Variants in GNAL observed in about 807,000 individuals in gnomAD.
The protein encoded by GNAL is guanine nucleotide-binding protein G(olf) subunit alpha.
Under a neutral mutation model 55.1 loss-of-function variants are expected in GNAL, and 18 were observed. The ratio of observed to expected loss-of-function variants is 0.33; its 90% CI spans 0.23 to 0.48. The LOEUF is 0.48. GNAL is among the 20% of genes least tolerant of loss of function. The probability of loss-of-function intolerance (pLI) is 0.99; values close to 1 mark genes in which losing one functional copy is unlikely to be tolerated. For synonymous variants in GNAL, 253 were observed against 237.0 expected, an observed-to-expected ratio of 1.07 and a Z score of -0.62; for missense variants, 412 against 614.1, an observed-to-expected ratio of 0.67 and a Z score of 3.48.
At chr18:11,800,482 G>A (rs567177360) in intron 4 of GNAL, among the ~76,000 whole-genome samples, 1 of 152,318 alleles carries the variant, frequency 6.6e-6, no homozygotes, top group Non-Finnish European at 1.5e-5. Flanking sequence ...GGGGTGGCCT[G>A]TAAGTGCCAA....
At chr18:11,784,504 C>A (rs2034005099) in intron 4 of GNAL, among the ~76,000 whole-genome samples, 2 of 152,214 alleles carry the variant, frequency 1.3e-5, no homozygotes, top group African/African-American at 4.8e-5. Flanking sequence ...GAAGCCTATT[C>A]TTGATGCCTT....
At chr18:11,747,902 G>T (rs893617868) in intron 1 of GNAL, among the ~76,000 whole-genome samples, 1 of 152,072 alleles carries the variant, frequency 6.6e-6, no homozygotes, top group Non-Finnish European at 1.5e-5. Context: ...CTGGGTCCCC[G>T]CAGGTGGGTG....
chr18:11,726,662 G>A (rs2032218522), intron 1 of GNAL, among the ~76,000 whole-genome samples: 1 of 152,160 alleles, frequency 6.6e-6, no homozygotes, highest in South Asian at 2.1e-4. Flanking sequence ...CTCTGGGGTA[G>A]GCTTTCAGCA....
At chr18:11,859,480 A>C (rs1435549811) in intron 5 of GNAL, among the ~76,000 whole-genome samples, 1 of 152,192 alleles carries the variant, frequency 6.6e-6, no homozygotes, top group Non-Finnish European at 1.5e-5. Context: ...TGTACTTTCC[A>C]AACCAGGCCT....
In GNAL at chr18:11,744,865, C is replaced by T. The variant is rs887405474; in HGVS notation, c.377-7988C>T. 1.6e-4 allele frequency among the ~76,000 whole-genome samples: 25 copies of T among 152,166 alleles called. 1 individual carries two copies. The highest frequency in any genetic ancestry group is 1.6e-3 in the Admixed American group (25 of 15,284). ...AGCTGGGACTACAGGTGCATCCCAC[C>T]ATGCCCGGTTAACTTTTGTAATTTT... On this transcript the variant is annotated intron_variant, in intron 1 of 11. Coordinates refer to ENST00000334049, the MANE Select transcript of GNAL (RefSeq NM_182978.4).
In GNAL at chr18:11,872,260, T is replaced by A. The variant is rs780057991; in HGVS notation, c.1032-8T>A. Reference sequence around the variant, plus strand: ...GTGAAATTTGTATGTTTATTTTTCCTTTTTTAGGTGGTTACGGACCATTTC... The same window carrying A: ...GTGAAATTTGTATGTTTATTTTTCCATTTTTAGGTGGTTACGGACCATTTC... On this transcript the variant is annotated splice_region_variant and splice_polypyrimidine_tract_variant and intron_variant, in intron 9 of 11. Transcript: ENST00000334049. The A allele has an allele frequency of 6.4e-7, 1 of 1,563,712 alleles. No individual in the cohort carries two copies. The highest frequency in any genetic ancestry group is 8.6e-7 in the Non-Finnish European group (1 of 1,157,008).
intron 4 of GNAL, among the ~76,000 whole-genome samples, chr18:11,761,398 C>G (rs555606682): frequency 6.6e-6 from 1 of 152,368 alleles, no homozygotes; most frequent in African/African-American, 2.4e-5. Context: ...CCCCCAGGCT[C>G]TCTGGCAGGT....
intron 4 of GNAL, among the ~76,000 whole-genome samples, chr18:11,764,319 C>A (rs940770861): frequency 2.0e-5 from 3 of 152,030 alleles, no homozygotes; most frequent in South Asian, 2.1e-4. Flanking sequence ...GTTGGCCAGG[C>A]TGGTCTCAAA....
chr18:11,803,062 C>A lies in GNAL; in HGVS notation c.625-21856C>A, dbSNP rs2034560746. Among the ~76,000 whole-genome samples the A allele has an allele frequency of 2.6e-5, 4 of 152,156 alleles. No individual in the cohort carries two copies. In the South Asian group the frequency reaches 6.2e-4, roughly 24 times the overall value. ...TTTTGTTTTGTTTTCATAATATATT[C>A]TTTTATTGTGATAAAATACATATAA... On this transcript the variant is annotated intron_variant, in intron 4 of 11. Coordinates refer to ENST00000334049, the MANE Select transcript of GNAL (RefSeq NM_182978.4).
At position 11,884,640 on chromosome 18, in the gene GNAL, A is replaced by C; in HGVS notation, c.*3505A>C. Reference sequence around the variant, plus strand: ...GCGTGATGCTACCCTGGAAAGGAGAAGGGAAAGTTATGCTGAGAGCACCAG... The same window carrying C: ...GCGTGATGCTACCCTGGAAAGGAGACGGGAAAGTTATGCTGAGAGCACCAG... On this transcript the variant is annotated 3_prime_UTR_variant, in exon 12 of 12. Coordinates refer to ENST00000334049, the MANE Select transcript of GNAL (RefSeq NM_182978.4). The C allele has an allele frequency of 6.2e-7, 1 of 1,612,110 alleles. No individual in the cohort carries two copies. The highest frequency in any genetic ancestry group is 8.5e-7 in the Non-Finnish European group (1 of 1,178,746).
intron 4 of GNAL, among the ~76,000 whole-genome samples, chr18:11,809,959 G>A (rs2034766750): frequency 6.6e-6 from 1 of 152,234 alleles, no homozygotes; most frequent in East Asian, 1.9e-4. Context: ...GGCTGCCTTT[G>A]AAATCTTTCC....
chr18:11,835,627 TG>T (rs150248681), intron 5 of GNAL, among the ~76,000 whole-genome samples: 6,410 of 152,280 alleles, frequency 0.042, 164 homozygotes, highest in African/African-American at 0.071. Flanking sequence ...TGTAAAGCTG[TG>T]ATCAGAAGCT....
intron 1 of GNAL, among the ~76,000 whole-genome samples, chr18:11,712,278 G>T (rs1191854934): frequency 6.6e-6 from 1 of 152,176 alleles, no homozygotes; most frequent in East Asian, 1.9e-4. Flanking sequence ...CTCTCTCGGG[G>T]AGAGTGAGGC....
At chr18:11,731,099 T>C (rs2032329378) in intron 1 of GNAL, among the ~76,000 whole-genome samples, 1 of 152,208 alleles carries the variant, frequency 6.6e-6, no homozygotes, top group South Asian at 2.1e-4. Context: ...GAATGGGGTA[T>C]GAGGTGTGTC....
intron 1 of GNAL, among the ~76,000 whole-genome samples, chr18:11,737,701 G>C (rs1435341450): frequency 6.6e-6 from 1 of 152,226 alleles, no homozygotes; most frequent in Non-Finnish European, 1.5e-5. Context: ...AGTAGCCATG[G>C]GGACTGAAAT....
intron 1 of GNAL, among the ~76,000 whole-genome samples, chr18:11,733,263 A>T (rs771229486): frequency 2.6e-5 from 4 of 152,230 alleles, no homozygotes; most frequent in African/African-American, 9.6e-5. Flanking sequence ...TGTCTGAGGG[A>T]CAGCTGTCAT....
At chr18:11,733,629 G>A (rs2032392459) in intron 1 of GNAL, among the ~76,000 whole-genome samples, 1 of 152,170 alleles carries the variant, frequency 6.6e-6, no homozygotes, top group African/African-American at 2.4e-5. Flanking sequence ...GTCTTCTTGA[G>A]GGTAATTCTC....
At chr18:11,805,644 T>C (rs2034639052) in intron 4 of GNAL, among the ~76,000 whole-genome samples, 1 of 152,178 alleles carries the variant, frequency 6.6e-6, no homozygotes, top group South Asian at 2.1e-4. Context: ...TTCCTTAAGA[T>C]AGTGACCTCC....
At chr18:11,718,546 A>T (rs896090514) in intron 1 of GNAL, among the ~76,000 whole-genome samples, 1 of 152,186 alleles carries the variant, frequency 6.6e-6, no homozygotes, top group African/African-American at 2.4e-5. Flanking sequence ...ATCCTTTATA[A>T]AATCATTCAC....
Sources: gnomAD v4.1 joint callset for allele counts (sites outside exome capture counted in the v4.1 genomes callset) on GRCh38, gnomAD v4.1.1 for gene constraint, MANE v1.5 for transcripts, NCBI Gene and HGNC (gene_info 2026-07-23, HGNC 2026-07-21) for gene names.